The following TEDC2 variants were observed in gnomAD, a reference collection of about 807,000 sequenced individuals.
TEDC2 encodes the protein tubulin epsilon and delta complex 2, also known as tubulin epsilon and delta complex protein 2.
Under a neutral mutation model 48.1 loss-of-function variants are expected in TEDC2, and 49 were observed. The ratio of observed to expected loss-of-function variants is 1.02; its 90% CI spans 0.81 to 1.29. The LOEUF is 1.29. Ranked by LOEUF, TEDC2 falls within the 50% of genes most tolerant of loss-of-function variation. The probability of loss-of-function intolerance (pLI) is 0.00; values close to 1 mark genes in which losing one functional copy is unlikely to be tolerated. For synonymous variants in TEDC2, 299 were observed against 247.1 expected (o/e 1.21, Z -1.97); for missense variants, 631 against 571.4 (o/e 1.10, Z -1.06).
At chr16:2,461,664 C>A in intron 4 of TEDC2, 83 bp from the exon 5 acceptor site, 1 of 1,544,100 alleles carries the variant, frequency 6.5e-7, no homozygotes, top group Non-Finnish European at 8.9e-7. Flanking sequence ...AAGCCTCATC[C>A]CTGATTGGGC....
Position 2,462,231 on chromosome 16 carries a change from C to G in TEDC2, c.742C>G (p.Gln248Glu), listed in dbSNP as rs1179822281. ...CAAAACCCAGTTCCTCCAGAACATG[C>G]AGACAGCTGTATCCTTGCTGGGCTT... ...AAKTQFLQNMQTASGGPQPRL... is the reference protein window; with the variant it reads ...AAKTQFLQNMETASGGPQPRL... The change falls in exon 6 of 10, where the codon CAG becomes GAG. Residue 248 changes from glutamine (Q) to glutamate (E), a missense_variant. Gln to Glu is a conservative substitution (Grantham distance 29, BLOSUM62 2). Coordinates refer to ENST00000361837, the MANE Select transcript of TEDC2 (RefSeq NM_025108.3). 1.2e-6 allele frequency: 2 copies of G among 1,613,142 alleles called. No homozygotes were observed. Among genetic ancestry groups the G allele is most frequent in the Non-Finnish European group, 1.7e-6 (2 of 1,180,016 alleles).
At chr16:2,463,448 G>A (rs373869480) in intron 8 of TEDC2, among the ~76,000 whole-genome samples, 1 of 151,998 alleles carries the variant, frequency 6.6e-6, no homozygotes, top group Non-Finnish European at 1.5e-5. Flanking sequence ...CCGACATGAC[G>A]AAAGCCCATC....
chr16:2,462,748 C>T lies in TEDC2; in HGVS notation c.964+16C>T, dbSNP rs80077889. 1.7e-5 allele frequency: 26 copies of T among 1,526,152 alleles called. No individual in the cohort carries two copies. The Admixed American group carries it at 3.2e-4, about 19-fold the overall frequency. The allele number at this position is 1,526,152 out of a possible 1,614,324, so 94.5% of individuals were successfully genotyped here. On this transcript the variant is annotated intron_variant, in intron 8 of 9. Coordinates refer to ENST00000361837, the MANE Select transcript of TEDC2 (RefSeq NM_025108.3). The stretch of plus-strand genomic sequence containing the variant: ...CTGCGTGCAGGTGAGACCCCGCCCC[C>T]ACCCTGCCACCTGCACTGAGGTCTG...
intron 8 of TEDC2, 58 bp from the exon 9 acceptor site, chr16:2,463,981 A>G: frequency 6.4e-7 from 1 of 1,551,452 alleles, no homozygotes; most frequent in South Asian, 1.2e-5. Flanking sequence ...GCACACAGGA[A>G]AAGCGGGGCC....
chr16:2,464,948 G>A lies in TEDC2; in HGVS notation c.*280G>A. ...AAAGAGCCGCTTGTGTGATATTAAA[G>A]CCACTTTAGAAAGCATTTGTGTTTA... On this transcript the variant is annotated 3_prime_UTR_variant, in exon 10 of 10. Transcript: ENST00000361837. 1 of 462,034 alleles carries A rather than the reference G, an allele frequency of 2.2e-6. No individual in the cohort carries two copies. The highest frequency in any genetic ancestry group is 3.9e-5 in the Admixed American group (1 of 25,376). The allele number at this position is 462,034 out of a possible 1,614,324, so 28.6% of individuals were successfully genotyped here. A position where few individuals can be genotyped will look rare whatever the true frequency, so the allele number is the denominator to read the frequency against.
Position 2,464,647 on chromosome 16 carries a change from G to T in TEDC2, c.1281G>T (p.Leu427=), listed in dbSNP as rs1332112569. The T allele has an allele frequency of 6.8e-6, 11 of 1,612,908 alleles. No individual in the cohort carries two copies. The highest frequency in any genetic ancestry group is 8.5e-6 in the Non-Finnish European group (10 of 1,180,000). Residue 427 remains leucine, a synonymous_variant, in exon 10 of 10, where the codon CTG becomes CTT. Coordinates refer to ENST00000361837, the MANE Select transcript of TEDC2 (RefSeq NM_025108.3). ...GAGGAGCACGTGTCCTTACCATCCT[G>T]CGGGATGAACCTGCAGTCTGAGCCT... ...CEGGARVLTI[L]RDEPAV
In TEDC2 at chr16:2,464,463, A is replaced by G. The variant is rs1472121480; in HGVS notation, c.1156-59A>G. ...GCATGGGGGCCTCGAAGCCTGTCCC[A>G]GGATTGCCCCCCGCCTAGGTGCCCC... On this transcript the variant is annotated intron_variant, in intron 9 of 9. Coordinates refer to ENST00000361837, the MANE Select transcript of TEDC2 (RefSeq NM_025108.3). 8 of 1,490,556 alleles carry G rather than the reference A, an allele frequency of 5.4e-6. No homozygotes were observed. In the East Asian group the frequency reaches 1.6e-4, roughly 30 times the overall value. 92.3% of individuals were successfully genotyped at this position (1,490,556 alleles called of 1,614,324 possible). A position where few individuals can be genotyped will look rare whatever the true frequency, so the allele number is the denominator to read the frequency against.
In TEDC2 at chr16:2,464,700, A is replaced by T. The variant is rs1201160513; in HGVS notation, c.*32A>T. Reference sequence around the variant, plus strand: ...CCCATGCTGCCCTCGGCCTGTTCAGATGGGGATTGGGGGTGTCTTCCCTGG... The same window carrying T: ...CCCATGCTGCCCTCGGCCTGTTCAGTTGGGGATTGGGGGTGTCTTCCCTGG... On this transcript the variant is annotated 3_prime_UTR_variant, in exon 10 of 10. Coordinates refer to ENST00000361837, the MANE Select transcript of TEDC2 (RefSeq NM_025108.3). 2.5e-6 allele frequency: 4 copies of T among 1,611,404 alleles called. No individual in the cohort carries two copies. The highest frequency in any genetic ancestry group is 2.5e-6 in the Non-Finnish European group (3 of 1,179,520).
rs2065484097 is a variant in TEDC2 at position 2,464,079 on chromosome 16, G to A, written c.1005G>A (p.Arg335=). 1 of 1,612,654 alleles carries A rather than the reference G, an allele frequency of 6.2e-7. No homozygotes were observed. The highest frequency in any genetic ancestry group is 1.7e-5 in the Admixed American group (1 of 59,990). ...EQPPRPCPVG[R]PPGASPSCGG... is the part of the protein sequence containing the mutation. ...CACCAAGACCATGTCCTGTGGGGAG[G>A]CCCCCCGGAGCCTCGCCGTCCTGTG... is the stretch of plus-strand genomic sequence containing the variant. The change falls in exon 9 of 10, where the codon AGG becomes AGA. Residue 335 remains arginine (R), a synonymous_variant. Coordinates refer to ENST00000361837, the MANE Select transcript of TEDC2 (RefSeq NM_025108.3).
Position 2,464,322 on chromosome 16 carries a change from A to G in TEDC2, c.1155+93A>G, listed in dbSNP as rs902919576. 7.5e-6 allele frequency: 11 copies of G among 1,474,522 alleles called. No individual in the cohort carries two copies. The African/African-American group carries it at 1.5e-4, about 21-fold the overall frequency. The allele number at this position is 1,474,522 out of a possible 1,614,324, so 91.3% of individuals were successfully genotyped here. A position where few individuals can be genotyped will look rare whatever the true frequency, so the allele number is the denominator to read the frequency against. ...TTGACTGCTCCACCCCCCAGGACCC[A>G]GGAGGATGGGGGCAAGCCTGGGGTC... On this transcript the variant is annotated intron_variant, in intron 9 of 9. Coordinates refer to ENST00000361837, the MANE Select transcript of TEDC2 (RefSeq NM_025108.3).
intron 4 of TEDC2, 40 bp downstream of exon 4, chr16:2,461,264 T>C (rs2065465320): frequency 1.4e-6 from 2 of 1,438,128 alleles, no homozygotes; most frequent in Non-Finnish European, 1.8e-6. Context: ...CTTCTGTCTC[T>C]GCCTCCTCAG....
At chr16:2,463,745 G>T (rs961887492) in intron 8 of TEDC2, among the ~76,000 whole-genome samples, 1 of 152,146 alleles carries the variant, frequency 6.6e-6, no homozygotes, top group Non-Finnish European at 1.5e-5. Flanking sequence ...TTTTCTAATT[G>T]CTTGAAGTTT....
At chr16:2,464,355 G>T in intron 9 of TEDC2, 126 bp downstream of exon 9, 1 of 1,379,196 alleles carries the variant, frequency 7.3e-7, no homozygotes. Context: ...GTCTGTGTGT[G>T]TGGGTTGGGA....
intron 7 of TEDC2, 30 bp from the exon 8 acceptor site, chr16:2,462,601 C>T: frequency 6.5e-7 from 1 of 1,537,376 alleles, no homozygotes; most frequent in Non-Finnish European, 8.8e-7. Flanking sequence ...CTGCCACGGG[C>T]CCCACCTGCT....
chr16:2,462,103 CG>C (rs1898019127), intron 5 of TEDC2, 45 bp from the exon 6 acceptor site: 3 of 1,585,292 alleles, frequency 1.9e-6, no homozygotes, highest in Non-Finnish European at 2.6e-6. Context: ...CTGGAATAAC[CG>C]TGTCCCTCTG....
rs1596937612 is a variant in TEDC2 at position 2,460,189 on chromosome 16, G to A, written c.26+19G>A. Reference sequence around the variant, plus strand: ...CGCGCCGGTGAGGCCTGCGCGGCAGGAGGGGGTGGGAGGATGCGGGCGGGC... The same window carrying A: ...CGCGCCGGTGAGGCCTGCGCGGCAGAAGGGGGTGGGAGGATGCGGGCGGGC... On this transcript the variant is annotated intron_variant, in intron 1 of 9. Coordinates refer to ENST00000361837, the MANE Select transcript of TEDC2 (RefSeq NM_025108.3). The A allele has an allele frequency of 2.9e-6, 4 of 1,401,394 alleles. No homozygotes were observed. Among genetic ancestry groups the A allele is most frequent in the Non-Finnish European group, 3.7e-6 (4 of 1,090,378 alleles). The allele number at this position is 1,401,394 out of a possible 1,614,324, so 86.8% of individuals were successfully genotyped here.
intron 5 of TEDC2, 126 bp from the exon 6 acceptor site, chr16:2,462,023 G>A: frequency 2.6e-6 from 3 of 1,157,526 alleles, no homozygotes; most frequent in Non-Finnish European, 3.7e-6. Context: ...CTGGCATTCA[G>A]CAGAGCCAGA....
At position 2,460,431 on chromosome 16, in the gene TEDC2, T is replaced by A. The variant is rs1218937527; in HGVS notation, c.125+50T>A. 2.6e-6 allele frequency: 4 copies of A among 1,536,488 alleles called. No individual in the cohort carries two copies. In the South Asian group the frequency reaches 3.6e-5, roughly 14 times the overall value. Reference sequence around the variant, plus strand: ...CCAGACCTCCCTCGGGCCCTCAGAGTCCCGCCCCGAGCGCCCAGGGCTGGG... The same window carrying A: ...CCAGACCTCCCTCGGGCCCTCAGAGACCCGCCCCGAGCGCCCAGGGCTGGG... On this transcript the variant is annotated intron_variant, in intron 2 of 9. Transcript: ENST00000361837.
At position 2,461,799 on chromosome 16, in the gene TEDC2, AG is replaced by A. The variant is rs757643382; in HGVS notation, c.659+1del. 1 of 1,613,406 alleles carries A rather than the reference AG, an allele frequency of 6.2e-7. No homozygotes were observed. Among genetic ancestry groups the A allele is most frequent in the South Asian group, 1.1e-5 (1 of 91,078 alleles). Reference protein sequence around the residue: ...AFRKAASQNSSLWAQLSSTQT... With the variant: ...AFRKAASQNSXLWAQLSSTQT... ...CAGGAAAGCAGCTTCCCAGAACTCG[AG>A]GTGAGGCTGAGGTCTTTGGCTGGAC... On this transcript the variant is annotated frameshift_variant and splice_region_variant, in exon 5 of 10. Coordinates refer to ENST00000361837, the MANE Select transcript of TEDC2 (RefSeq NM_025108.3). LOFTEE classifies it high-confidence loss of function.
Sources: allele counts gnomAD v4.1 joint callset (sites outside exome capture counted in the v4.1 genomes callset), GRCh38; gene constraint gnomAD v4.1.1; transcripts MANE v1.5; gene names NCBI Gene and HGNC (gene_info 2026-07-23, HGNC 2026-07-21).